Variants in ABCA12 observed in about 807,000 individuals in gnomAD.
ABCA12 encodes ATP binding cassette subfamily A member 12, also known as glucosylceramide transporter ABCA12.
Under a neutral mutation model 293.5 loss-of-function variants are expected in ABCA12, and 156 were observed. The observed-to-expected ratio is 0.53, with a 90% confidence interval of 0.47 to 0.61. The LOEUF (loss-of-function observed/expected upper bound fraction) is 0.61, where lower values mean the gene tolerates loss of function less well. Among genes scored for constraint, ABCA12 ranks in the 20% least tolerant of loss-of-function variants. The pLI, the probability that ABCA12 is intolerant of heterozygous loss-of-function variation, is 0.00. For missense variants in ABCA12, 2,797 were observed against 3,090.2 expected (o/e 0.91, Z 2.25); for synonymous variants, 1,063 against 1,108.0 (o/e 0.96, Z 0.81).
chr2:215,132,469 G>C (rs1453658234), intron 1 of ABCA12, among the ~76,000 whole-genome samples: 2 of 151,642 alleles, frequency 1.3e-5, no homozygotes, highest in African/African-American at 2.4e-5. Context: ...TTGTTGTATT[G>C]AGCCTTTTAT....
chr2:214,981,766 T>G (rs1329248337), intron 30 of ABCA12, among the ~76,000 whole-genome samples: 1 of 139,162 alleles, frequency 7.2e-6, no homozygotes, highest in African/African-American at 2.7e-5. Flanking sequence ...AGCTGGTTTT[T>G]TTTTTTTTTT....
At position 215,103,263 on chromosome 2, in the gene ABCA12, C is replaced by CTTTTTTTTTTTTTTTTTTTTTTTT. The variant is rs1158377505; in HGVS notation, c.163+8333_163+8334insAAAAAAAAAAAAAAAAAAAAAAAA. Among the ~76,000 whole-genome samples the CTTTTTTTTTTTTTTTTTTTTTTTT allele has an allele frequency of 2.5e-5, 2 of 81,382 alleles. 1 individual carries two copies. The highest frequency in any genetic ancestry group is 7.4e-5 in the African/African-American group (2 of 26,868). The allele number at this position is 81,382 out of a possible 152,430, so 53.4% of individuals were successfully genotyped here. A position where few individuals can be genotyped will look rare whatever the true frequency, so the allele number is the denominator to read the frequency against. On this transcript the variant is annotated intron_variant, in intron 2 of 52. Transcript: ENST00000272895. ...ACTTTAACAATGTCTCTTAAAATTT[C>CTTTTTTTTTTTTTTTTTTTTTTTT]TTTCTTTTTTTTTTTTTTTTTTTGA... is the stretch of plus-strand genomic sequence containing the variant.
Position 215,026,316 on chromosome 2 carries a change from A to C in ABCA12, c.1180+504T>G, listed in dbSNP as rs149299113. On this transcript the variant is annotated intron_variant, in intron 10 of 52. Transcript: ENST00000272895. ...AAAAAAGAAACATTTGATTAAATAT[A>C]ATCTTTATGGTTGCCCATGTAGGCA... is the stretch of plus-strand genomic sequence containing the variant. Among the ~76,000 whole-genome samples, 951 of 152,342 alleles carry C rather than the reference A, an allele frequency of 6.2e-3. 8 individuals are homozygous for C. Among genetic ancestry groups the C allele is most frequent in the South Asian group, 0.026 (123 of 4,822 alleles).
chr2:214,982,076 T>G, intron 30 of ABCA12, 111 bp downstream of exon 30: 2 of 1,126,258 alleles, frequency 1.8e-6, no homozygotes, highest in South Asian at 2.6e-5. Flanking sequence ...CCTCCCAAAG[T>G]GCTGGGATTA....
Position 214,986,708 on chromosome 2 carries a change from A to T in ABCA12, c.3997T>A (p.Ser1333Thr). The T allele has an allele frequency of 6.2e-7, 1 of 1,614,124 alleles. No individual in the cohort carries two copies. Among genetic ancestry groups the T allele is most frequent in the Non-Finnish European group, 8.5e-7 (1 of 1,179,976 alleles). Residue 1333 changes from serine to threonine, a missense_variant, in exon 28 of 53, where the codon TCT (serine) becomes ACT (threonine). Coordinates refer to ENST00000272895, the MANE Select transcript of ABCA12 (RefSeq NM_173076.3). ...TCTTTAGGTTCAGGCTCGATGTTAG[A>T]GGAAAACATGTATTCAGGACCTGGA... ...PSASPEYMFSSNIEPEPKDLT... is the reference protein window; with the variant it reads ...PSASPEYMFSTNIEPEPKDLT...
At chr2:215,034,432 G>A (rs905941716) in intron 8 of ABCA12, among the ~76,000 whole-genome samples, 5 of 151,308 alleles carry the variant, frequency 3.3e-5, no homozygotes, top group African/African-American at 1.2e-4. Context: ...AATGGGGGAA[G>A]GCAGTGGAAA....
chr2:214,947,277 T>C, intron 48 of ABCA12, 145 bp downstream of exon 48: 2 of 1,100,282 alleles, frequency 1.8e-6, no homozygotes, highest in South Asian at 1.3e-5. Context: ...TGAGATAGTA[T>C]ACATAAAGTG....
chr2:214,951,136 A>G, intron 44 of ABCA12, 53 bp from the exon 45 acceptor site: 1 of 1,512,686 alleles, frequency 6.6e-7, no homozygotes, highest in South Asian at 1.1e-5. Flanking sequence ...GACAGCATTC[A>G]ATTTTGACAT....
intron 2 of ABCA12, among the ~76,000 whole-genome samples, chr2:215,104,543 A>T (rs1237957331): frequency 2.0e-5 from 3 of 152,180 alleles, no homozygotes; most frequent in Non-Finnish European, 4.4e-5. Context: ...GGGACACTGG[A>T]GGAAACAGGG....
chr2:214,980,451 C>A (rs370320262), intron 31 of ABCA12, 32 bp downstream of exon 31: 2 of 1,611,754 alleles, frequency 1.2e-6, no homozygotes, highest in African/African-American at 2.7e-5. Flanking sequence ...ATTTATGGTG[C>A]CATAATGAGA....
chr2:214,944,338 G>T (rs1426667836), intron 49 of ABCA12, among the ~76,000 whole-genome samples: 1 of 152,050 alleles, frequency 6.6e-6, no homozygotes, highest in East Asian at 1.9e-4. Context: ...CTTGAACCCG[G>T]GAGGTGGAGG....
chr2:215,039,203 G>A (rs149442000), intron 7 of ABCA12, among the ~76,000 whole-genome samples: 188 of 152,126 alleles, frequency 1.2e-3, no homozygotes, highest in African/African-American at 4.2e-3. Context: ...TCTGATTTCG[G>A]TGGTTGGTTT....
At chr2:215,138,077 C>T (rs1703269382) in intron 1 of ABCA12, 63 bp downstream of exon 1, 1 of 1,481,262 alleles carries the variant, frequency 6.8e-7, no homozygotes, top group East Asian at 2.3e-5. Flanking sequence ...ATTAAGATCA[C>T]ATTTTAGGAT....
intron 2 of ABCA12, among the ~76,000 whole-genome samples, chr2:215,076,647 T>C (rs1476708270): frequency 6.6e-6 from 1 of 152,094 alleles, no homozygotes; most frequent in Non-Finnish European, 1.5e-5. Flanking sequence ...AGAGAGGTAC[T>C]CTAGAAAAAC....
At chr2:214,936,798 T>C (rs557091991) in intron 51 of ABCA12, among the ~76,000 whole-genome samples, 136 of 152,178 alleles carry the variant, frequency 8.9e-4, no homozygotes, top group Middle Eastern at 3.4e-3. Flanking sequence ...AGCTCTGTAG[T>C]TTTTTGGGTT....
intron 48 of ABCA12, among the ~76,000 whole-genome samples, chr2:214,945,437 T>C (rs949378809): frequency 8.5e-5 from 13 of 152,218 alleles, no homozygotes; most frequent in African/African-American, 3.1e-4. Context: ...ATAAGCCACA[T>C]CAACAAGATT....
chr2:214,979,161 A>C, intron 31 of ABCA12, 121 bp from the exon 32 acceptor site: 1 of 876,496 alleles, frequency 1.1e-6, no homozygotes, highest in Non-Finnish European at 1.9e-6. Context: ...GTCAGATCAT[A>C]ACATCACTGC....
intron 50 of ABCA12, among the ~76,000 whole-genome samples, chr2:214,938,353 C>G (rs909372433): frequency 6.6e-6 from 1 of 152,114 alleles, no homozygotes; most frequent in Non-Finnish European, 1.5e-5. Context: ...TTTTCTTTAT[C>G]TAGTCTGTCA....
intron 37 of ABCA12, 107 bp downstream of exon 37, chr2:214,970,166 A>G: frequency 8.8e-7 from 1 of 1,141,272 alleles, no homozygotes; most frequent in Non-Finnish European, 1.2e-6. Context: ...TGAGAATTTA[A>G]CCATGTAAAA....
Sources: gnomAD v4.1 joint callset for allele counts (sites outside exome capture counted in the v4.1 genomes callset) on GRCh38, gnomAD v4.1.1 for gene constraint, MANE v1.5 for transcripts, NCBI Gene and HGNC (gene_info 2026-07-23, HGNC 2026-07-21) for gene names.